Variants in GLIS3 observed in about 807,000 individuals in gnomAD.
The protein encoded by GLIS3 is zinc finger protein GLIS3.
A neutral mutation model predicts 78.6 loss-of-function variants in GLIS3; 53 were observed. The observed-to-expected ratio is 0.67, with a 90% CI of 0.54 to 0.85. The LOEUF is 0.85. GLIS3 is among the 40% of genes least tolerant of loss of function. The pLI is 0.00. For missense variants in GLIS3, 1,703 were observed against 1,231.1 expected, an observed-to-expected ratio of 1.38 and a Z score of -5.74; for synonymous variants, 684 against 509.9, an observed-to-expected ratio of 1.34 and a Z score of -4.60.
chr9:4,084,296 A>ACACAC (rs1564025137), intron 4 of GLIS3, among the ~76,000 whole-genome samples: 1 of 48,758 alleles, frequency 2.1e-5, no homozygotes, highest in African/African-American at 5.5e-5. Context: ...CACACACACA[A>ACACAC]ATTCCTAGCC....
At chr9:4,039,255 G>A (rs1392550458) in intron 4 of GLIS3, among the ~76,000 whole-genome samples, 2 of 152,134 alleles carry the variant, frequency 1.3e-5, no homozygotes, top group Admixed American at 6.5e-5. Context: ...CATATATTAT[G>A]TAATTGGTGC....
chr9:4,041,102 T>G (rs899146904), intron 4 of GLIS3, among the ~76,000 whole-genome samples: 1 of 152,202 alleles, frequency 6.6e-6, no homozygotes, highest in Non-Finnish European at 1.5e-5. Context: ...AAGGCAGGCA[T>G]TTTGGCCATG....
chr9:3,930,306 G>A (rs1365273328), intron 6 of GLIS3, among the ~76,000 whole-genome samples: 1 of 152,188 alleles, frequency 6.6e-6, no homozygotes, highest in Non-Finnish European at 1.5e-5. Context: ...CCATTTGAGA[G>A]ACAGTGTCTC....
chr9:4,069,082 T>C (rs564246791), intron 4 of GLIS3, among the ~76,000 whole-genome samples: 4 of 152,300 alleles, frequency 2.6e-5, no homozygotes, highest in African/African-American at 9.6e-5. Flanking sequence ...AGGAATACTA[T>C]AAAACTCACA....
At chr9:4,075,547 G>A (rs888801260) in intron 4 of GLIS3, among the ~76,000 whole-genome samples, 4 of 152,160 alleles carry the variant, frequency 2.6e-5, no homozygotes, top group African/African-American at 9.7e-5. Flanking sequence ...CTGCACTCCA[G>A]ACTGGATGAC....
At chr9:4,205,848 C>T (rs1220572380) in intron 2 of GLIS3, among the ~76,000 whole-genome samples, 3 of 152,180 alleles carry the variant, frequency 2.0e-5, no homozygotes, top group African/African-American at 4.8e-5. Flanking sequence ...GATAGGTAGA[C>T]ATATTAAATA....
chr9:4,134,533 T>C (rs1422863836), intron 2 of GLIS3, among the ~76,000 whole-genome samples: 1 of 152,216 alleles, frequency 6.6e-6, no homozygotes, highest in South Asian at 2.1e-4. Flanking sequence ...CAAATAATAC[T>C]ATACACCCTA....
At chr9:3,879,289 G>T in intron 8 of GLIS3, 138 bp downstream of exon 8, 1 of 805,964 alleles carries the variant, frequency 1.2e-6, no homozygotes, top group Non-Finnish European at 2.2e-6. Context: ...CTTTGTGTAT[G>T]TACTTTTAAA....
chr9:4,421,363 G>C, the GLIS3 span, among the ~76,000 whole-genome samples: 2 of 152,140 alleles, frequency 1.3e-5, no homozygotes, highest in Non-Finnish European at 2.9e-5. Flanking sequence ...AAAAGACATT[G>C]GCTAATAAAA....
At chr9:3,981,300 C>G (rs945004839) in intron 4 of GLIS3, among the ~76,000 whole-genome samples, 5 of 152,162 alleles carry the variant, frequency 3.3e-5, no homozygotes, top group Non-Finnish European at 7.3e-5. Context: ...AGTGAGTTCA[C>G]CTTAATAAGC....
At chr9:3,867,717 G>T (rs898110349) in intron 8 of GLIS3, among the ~76,000 whole-genome samples, 1 of 4,144 alleles carries the variant, frequency 2.4e-4, no homozygotes, top group Admixed American at 4.4e-3. Context: ...AACAATTCTT[G>T]TGTGTGTGTG....
At chr9:4,461,501 C>T in the GLIS3 span, among the ~76,000 whole-genome samples, 5 of 151,946 alleles carry the variant, frequency 3.3e-5, no homozygotes, top group African/African-American at 1.2e-4. Context: ...CTACTCTTTC[C>T]TCAACTCTCA....
chr9:3,881,002 G>T (rs1588143756), intron 7 of GLIS3, among the ~76,000 whole-genome samples: 1 of 149,106 alleles, frequency 6.7e-6, no homozygotes, highest in Non-Finnish European at 1.5e-5. Flanking sequence ...CTTCTGTTGT[G>T]TGCGTCAGCT....
At chr9:4,219,789 A>C (rs965578850) in intron 2 of GLIS3, among the ~76,000 whole-genome samples, 1 of 152,212 alleles carries the variant, frequency 6.6e-6, no homozygotes, top group Non-Finnish European at 1.5e-5. Flanking sequence ...CAGCAGGTCC[A>C]CGCAGAGCAA....
At chr9:4,192,470 C>G (rs539696328) in intron 2 of GLIS3, among the ~76,000 whole-genome samples, 1 of 152,264 alleles carries the variant, frequency 6.6e-6, no homozygotes, top group East Asian at 1.9e-4. Flanking sequence ...AACCAATTTC[C>G]AAACAAACTT....
rs116477909 is a variant in GLIS3 at position 4,096,115 on chromosome 9, A to C, written c.1710+21653T>G. On this transcript the variant is annotated intron_variant, in intron 4 of 10. Coordinates refer to ENST00000381971, the MANE Select transcript of GLIS3 (RefSeq NM_001042413.2). Reference sequence around the variant, plus strand: ...TTTAAAGGAAAATAAGGAGAAAAAAACAAAGATAAATTCATTGACCAAAGG... The same window carrying C: ...TTTAAAGGAAAATAAGGAGAAAAAACCAAAGATAAATTCATTGACCAAAGG... Among the ~76,000 whole-genome samples, 865 of 152,328 alleles carry C rather than the reference A, an allele frequency of 5.7e-3. 10 individuals are homozygous for C. The highest frequency in any genetic ancestry group is 0.015 in the African/African-American group (642 of 41,574).
At chr9:4,037,665 TCAGAAA>T (rs2130334002) in intron 4 of GLIS3, among the ~76,000 whole-genome samples, 1 of 152,110 alleles carries the variant, frequency 6.6e-6, no homozygotes, top group South Asian at 2.1e-4. Flanking sequence ...GATAAATTTC[TCAGAAA>T]CAGAAAAATA....
intron 2 of GLIS3, among the ~76,000 whole-genome samples, chr9:4,222,551 C>T (rs969546896): frequency 6.6e-6 from 1 of 152,172 alleles, no homozygotes; most frequent in Non-Finnish European, 1.5e-5. Flanking sequence ...TTTGCTTAAC[C>T]CCATGGTACT....
At chr9:4,236,871 G>C (rs1822802451) in intron 2 of GLIS3, among the ~76,000 whole-genome samples, 2 of 152,086 alleles carry the variant, frequency 1.3e-5, no homozygotes, top group Non-Finnish European at 2.9e-5. Context: ...CCTTCTGATT[G>C]GCAGATGCCT....
Sources: allele counts gnomAD v4.1 joint callset (sites outside exome capture counted in the v4.1 genomes callset), GRCh38; gene constraint gnomAD v4.1.1; transcripts MANE v1.5; gene names NCBI Gene and HGNC (gene_info 2026-07-23, HGNC 2026-07-21).